Variants in FOXK1 observed in about 807,000 individuals in gnomAD.
FOXK1 encodes the protein forkhead box K1, also known as forkhead box protein K1.
A neutral mutation model predicts 51.9 loss-of-function variants in FOXK1; 19 were observed. The ratio of observed to expected loss-of-function variants is 0.37; its 90% CI spans 0.26 to 0.54. The LOEUF (loss-of-function observed/expected upper bound fraction) is 0.54. Among genes scored for constraint, FOXK1 ranks in the 20% least tolerant of loss-of-function variants. The probability of loss-of-function intolerance (pLI) is 0.87; values close to 1 mark genes in which losing one functional copy is unlikely to be tolerated. For synonymous variants in FOXK1, 537 were observed against 482.6 expected (o/e 1.11, Z -1.48); for missense variants, 870 against 1,032.7 (o/e 0.84, Z 2.16).
In FOXK1 at chr7:4,759,454, G is replaced by A; in HGVS notation, c.1555G>A (p.Ala519Thr). Residue 519 changes from alanine (A) to threonine (T), a missense_variant, in exon 7 of 9, where the codon GCC becomes ACC. Around this residue, in one of 3 missense-constraint regions of FOXK1, gnomAD observed 457 missense variants for 510.8 expected, o/e 0.89. Transcript: ENST00000328914. ...AGHAIHVVQQ[A>T]PTVTMVRVVT... ...CCACGCCATCCACGTCGTGCAGCAG[G>A]CCCCCACCGTCACCATGGTCAGGGT... 6.3e-7 allele frequency: 1 copy of A among 1,591,994 alleles called. No homozygotes were observed. The highest frequency in any genetic ancestry group is 8.5e-7 in the Non-Finnish European group (1 of 1,174,014).
At chr7:4,695,903 T>G (rs946386028) in intron 1 of FOXK1, among the ~76,000 whole-genome samples, 2 of 145,404 alleles carry the variant, frequency 1.4e-5, no homozygotes, top group African/African-American at 5.2e-5. Flanking sequence ...GCCATTGCAC[T>G]CCAGTCTGGG....
At position 4,702,145 on chromosome 7, in the gene FOXK1, A is replaced by G. The variant is rs929863107; in HGVS notation, c.560+19277A>G. ...TACCCACTAAGAATCCGTGCTTTTC[A>G]TATTTTGTCATGTTTTTAAGCCCTT... On this transcript the variant is annotated intron_variant, in intron 1 of 8. Transcript: ENST00000328914. Among the ~76,000 whole-genome samples, 12 of 152,296 alleles carry G rather than the reference A, an allele frequency of 7.9e-5. No individual in the cohort carries two copies. The East Asian group carries it at 2.3e-3, about 29-fold the overall frequency.
intron 1 of FOXK1, among the ~76,000 whole-genome samples, chr7:4,689,434 G>T (rs1172023110): frequency 6.6e-6 from 1 of 152,148 alleles, no homozygotes; most frequent in African/African-American, 2.4e-5. Context: ...AACCAGCAAA[G>T]CATTTTACTA....
In FOXK1 at chr7:4,761,239, G is replaced by A. The variant is rs754424913; in HGVS notation, c.1872G>A (p.Gln624=). 6.2e-7 allele frequency: 1 copy of A among 1,613,172 alleles called. No individual in the cohort carries two copies. Among genetic ancestry groups the A allele is most frequent in the Non-Finnish European group, 8.5e-7 (1 of 1,180,028 alleles). The change falls in exon 8 of 9, where the codon CAG becomes CAA. Residue 624 remains glutamine (Q), a synonymous_variant. Transcript: ENST00000328914. This position sits in a 1 kb window ranked among gnomAD's most constrained non-coding sequence, Gnocchi z 6.2. The part of the protein sequence containing the change: ...QHHLPVRAVT[Q]NGKHAVPTNS... ...ACCTTCCAGTCCGGGCCGTGACCCAGAACGGAAAGCATGCGGTTCCCACGA... is the reference window on the plus strand; with the variant it reads ...ACCTTCCAGTCCGGGCCGTGACCCAAAACGGAAAGCATGCGGTTCCCACGA...
chr7:4,761,796 A>G lies in FOXK1; in HGVS notation c.1922-388A>G, dbSNP rs551589170. Reference sequence around the variant, plus strand: ...CTCCATGGGGTGAGGCAAGAGGTCAAAGGAAGGAGGAGAGTTGGGGTGCTG... The same window carrying G: ...CTCCATGGGGTGAGGCAAGAGGTCAGAGGAAGGAGGAGAGTTGGGGTGCTG... On this transcript the variant is annotated intron_variant, in intron 8 of 8. Transcript: ENST00000328914. The surrounding 1 kb of genome is among the most constrained non-coding windows in gnomAD (Gnocchi z 6.2). Among the ~76,000 whole-genome samples, 1 of 152,250 alleles carries G rather than the reference A, an allele frequency of 6.6e-6. No homozygotes were observed. The highest frequency in any genetic ancestry group is 2.4e-5 in the African/African-American group (1 of 41,544).
chr7:4,682,452 TCCGCCCGGGCCGCCGCCGCCG>T lies in FOXK1; in HGVS notation c.150_170del (p.Gly51_Pro57del). 1 of 980,676 alleles carries T rather than the reference TCCGCCCGGGCCGCCGCCGCCG, an allele frequency of 1.0e-6. No individual in the cohort carries two copies. The highest frequency in any genetic ancestry group is 1.2e-6 in the Non-Finnish European group (1 of 829,284). The allele number at this position is 980,676 out of a possible 1,614,324, so 60.7% of individuals were successfully genotyped here. On this transcript the variant is annotated inframe_deletion, in exon 1 of 9. Coordinates refer to ENST00000328914, the MANE Select transcript of FOXK1 (RefSeq NM_001037165.2). The surrounding 1 kb of genome is among the most constrained non-coding windows in gnomAD (Gnocchi z 7.6). ...CGCCGGCCCCCGCGCAGCCCCAGCC[TCCGCCCGGGCCGCCGCCGCCG>T]CCGCCACCGCCGCTGCCTCCGGGCG...
intron 1 of FOXK1, among the ~76,000 whole-genome samples, chr7:4,705,979 T>C (rs1253041077): frequency 3.1e-5 from 3 of 97,696 alleles, no homozygotes; most frequent in Admixed American, 1.9e-4. Flanking sequence ...TATACGTATA[T>C]ATACGTATAT....
At chr7:4,718,678 G>T (rs77931455) in intron 1 of FOXK1, among the ~76,000 whole-genome samples, 49 of 152,300 alleles carry the variant, frequency 3.2e-4, no homozygotes, top group Non-Finnish European at 1.5e-5. Context: ...TGCCGACCTC[G>T]CTTTCAGAGT....
chr7:4,705,995 T>TATAC (rs1780091591), intron 1 of FOXK1, among the ~76,000 whole-genome samples: 1 of 95,072 alleles, frequency 1.1e-5, no homozygotes, highest in Non-Finnish European at 1.9e-5. Context: ...TATATATACG[T>TATAC]ATATATACGT....
chr7:4,746,750 G>A (rs1780707596), intron 2 of FOXK1, among the ~76,000 whole-genome samples: 1 of 152,206 alleles, frequency 6.6e-6, no homozygotes, highest in African/African-American at 2.4e-5. Context: ...TTTCAGCAGG[G>A]CTGCAGGAGG....
rs1258000958 is a variant in FOXK1 at position 4,715,625 on chromosome 7, C to A, written c.561-25213C>A. 2.6e-5 allele frequency among the ~76,000 whole-genome samples: 4 copies of A among 152,152 alleles called. No individual in the cohort carries two copies. The highest frequency in any genetic ancestry group is 9.7e-5 in the African/African-American group (4 of 41,434). Reference sequence around the variant, plus strand: ...TGGTGTTGTGAAATACGGAACTTGGCGAGTTCTTGCGGCCATCCCTTTTGT... The same window carrying A: ...TGGTGTTGTGAAATACGGAACTTGGAGAGTTCTTGCGGCCATCCCTTTTGT... On this transcript the variant is annotated intron_variant, in intron 1 of 8. Coordinates refer to ENST00000328914, the MANE Select transcript of FOXK1 (RefSeq NM_001037165.2). This position sits in a 1 kb window ranked among gnomAD's most constrained non-coding sequence, Gnocchi z 4.5.
chr7:4,728,344 C>T (rs1780406930), intron 1 of FOXK1, among the ~76,000 whole-genome samples: 1 of 152,218 alleles, frequency 6.6e-6, no homozygotes, highest in African/African-American at 2.4e-5. Flanking sequence ...CAGATTTTAA[C>T]CCTCAGTCCT....
rs999756617 is a variant in FOXK1 at position 4,731,498 on chromosome 7, G to T, written c.561-9340G>T. ...GAGGCGGCCGGGCACAGTGGCTCACGCCTGTAATCCCAGCACTTTGGGAGG... is the reference window on the plus strand; with the variant it reads ...GAGGCGGCCGGGCACAGTGGCTCACTCCTGTAATCCCAGCACTTTGGGAGG... On this transcript the variant is annotated intron_variant, in intron 1 of 8. Coordinates refer to ENST00000328914, the MANE Select transcript of FOXK1 (RefSeq NM_001037165.2). The surrounding 1 kb of genome is among the most constrained non-coding windows in gnomAD (Gnocchi z 5.3). Among the ~76,000 whole-genome samples, 1 of 152,080 alleles carries T rather than the reference G, an allele frequency of 6.6e-6. No individual in the cohort carries two copies. Among genetic ancestry groups the T allele is most frequent in the Non-Finnish European group, 1.5e-5 (1 of 68,012 alleles).
At position 4,743,509 on chromosome 7, in the gene FOXK1, G is replaced by A. The variant is rs1250700138; in HGVS notation, c.746+2486G>A. ...AGGTTGCAGTGAGCTGAGATCACGC[G>A]ACTGCACTCCAGCCCGGGCGATAGA... On this transcript the variant is annotated intron_variant, in intron 2 of 8. Coordinates refer to ENST00000328914, the MANE Select transcript of FOXK1 (RefSeq NM_001037165.2). This position sits in a 1 kb window ranked among gnomAD's most constrained non-coding sequence, Gnocchi z 5.3. Among the ~76,000 whole-genome samples, 1 of 152,132 alleles carries A rather than the reference G, an allele frequency of 6.6e-6. No homozygotes were observed. Among genetic ancestry groups the A allele is most frequent in the Non-Finnish European group, 1.5e-5 (1 of 68,018 alleles).
At position 4,715,958 on chromosome 7, in the gene FOXK1, G is replaced by A. The variant is rs1780228289; in HGVS notation, c.561-24880G>A. Among the ~76,000 whole-genome samples, 1 of 152,184 alleles carries A rather than the reference G, an allele frequency of 6.6e-6. No individual in the cohort carries two copies. Among genetic ancestry groups the A allele is most frequent in the African/African-American group, 2.4e-5 (1 of 41,426 alleles). ...TCAAAAATGCAGACCTCAGTCAGGCGCAGTGGTTCACGCCTGTAATCCCAG... is the reference window on the plus strand; with the variant it reads ...TCAAAAATGCAGACCTCAGTCAGGCACAGTGGTTCACGCCTGTAATCCCAG... On this transcript the variant is annotated intron_variant, in intron 1 of 8. Transcript: ENST00000328914. This position sits in a 1 kb window ranked among gnomAD's most constrained non-coding sequence, Gnocchi z 4.5.
In FOXK1 at chr7:4,753,753, C is replaced by G. The variant is rs747351489; in HGVS notation, c.747-706C>G. On this transcript the variant is annotated intron_variant, in intron 2 of 8. Transcript: ENST00000328914. The surrounding 1 kb of genome is among the most constrained non-coding windows in gnomAD (Gnocchi z 4.9). Reference sequence around the variant, plus strand: ...AGCAGGCCAGAGCACACCCCTCAGCCGGACGGACGCAGCCTCCTGCCTGTG... The same window carrying G: ...AGCAGGCCAGAGCACACCCCTCAGCGGGACGGACGCAGCCTCCTGCCTGTG... 5.9e-5 allele frequency among the ~76,000 whole-genome samples: 9 copies of G among 152,178 alleles called. No individual in the cohort carries two copies. Among genetic ancestry groups the G allele is most frequent in the Non-Finnish European group, 1.3e-4 (9 of 68,030 alleles).
intron 1 of FOXK1, among the ~76,000 whole-genome samples, chr7:4,708,836 G>A (rs1241435014): frequency 3.9e-5 from 6 of 152,138 alleles, no homozygotes; most frequent in East Asian, 1.9e-4. Flanking sequence ...AGGCTGAGGC[G>A]GGCGGATCAC....
chr7:4,707,429 C>T lies in FOXK1; in HGVS notation c.560+24561C>T, dbSNP rs1438776823. 1.3e-5 allele frequency among the ~76,000 whole-genome samples: 2 copies of T among 152,214 alleles called. No homozygotes were observed. The highest frequency in any genetic ancestry group is 4.8e-5 in the African/African-American group (2 of 41,452). ...TGCTGAAAGCAGGCCTCTCCCTGGG[C>T]GGGCTTTCCGTGTTATTAATCTACT... On this transcript the variant is annotated intron_variant, in intron 1 of 8. Transcript: ENST00000328914. The surrounding 1 kb of genome is among the most constrained non-coding windows in gnomAD (Gnocchi z 4.1).
Position 4,707,518 on chromosome 7 carries a change from T to TC in FOXK1, c.560+24651dup, listed in dbSNP as rs1363417446. Among the ~76,000 whole-genome samples, 1 of 152,160 alleles carries TC rather than the reference T, an allele frequency of 6.6e-6. No individual in the cohort carries two copies. The highest frequency in any genetic ancestry group is 1.5e-5 in the Non-Finnish European group (1 of 68,024). On this transcript the variant is annotated intron_variant, in intron 1 of 8. Transcript: ENST00000328914. This position sits in a 1 kb window ranked among gnomAD's most constrained non-coding sequence, Gnocchi z 4.1. Reference sequence around the variant, plus strand: ...GTAGTGTTAAGATGTATTTAGCGACTCAAGTATCTGCAGCAGCGAGAGGGT... The same window carrying TC: ...GTAGTGTTAAGATGTATTTAGCGACTCCAAGTATCTGCAGCAGCGAGAGGGT...
Sources: allele counts gnomAD v4.1 joint callset (sites outside exome capture counted in the v4.1 genomes callset), GRCh38; gene constraint gnomAD v4.1.1; regional missense constraint gnomAD v4.1.1; non-coding constraint Gnocchi (gnomAD v3.1); transcripts MANE v1.5; gene names NCBI Gene and HGNC (gene_info 2026-07-23, HGNC 2026-07-21).